Variants in CFAP77 observed in about 807,000 individuals in gnomAD.
The protein encoded by CFAP77 is cilia- and flagella-associated protein 77.
Under a neutral mutation model 31.1 loss-of-function variants are expected in CFAP77, and 25 were observed. The ratio of observed to expected loss-of-function variants is 0.80; its 90% CI spans 0.59 to 1.12. CFAP77 has a LOEUF of 1.12. Ranked by LOEUF, CFAP77 falls within the 50% of genes most tolerant of loss-of-function variation. The pLI is 0.00. For missense variants in CFAP77, 377 were observed against 397.3 expected (o/e 0.95, Z 0.44); for synonymous variants, 151 against 159.9 (o/e 0.94, Z 0.42).
intron 1 of CFAP77, among the ~76,000 whole-genome samples, chr9:132,493,390 A>G (rs1851682023): frequency 6.6e-6 from 1 of 152,218 alleles, no homozygotes; most frequent in African/African-American, 2.4e-5. Flanking sequence ...GCATTTGGAA[A>G]AAAAATAGTC....
chr9:132,438,833 C>T (rs1850560566), intron 1 of CFAP77, among the ~76,000 whole-genome samples: 2 of 151,446 alleles, frequency 1.3e-5, no homozygotes, highest in African/African-American at 4.8e-5. Context: ...CCGCACCTGA[C>T]CGGCCAACAT....
intron 1 of CFAP77, among the ~76,000 whole-genome samples, chr9:132,459,587 G>A (rs1016055139): frequency 2.6e-5 from 4 of 151,470 alleles, no homozygotes; most frequent in African/African-American, 9.7e-5. Context: ...GTATGTGTAT[G>A]TATATATATA....
intron 1 of CFAP77, among the ~76,000 whole-genome samples, chr9:132,483,295 A>AAAC (rs936979753): frequency 8.6e-5 from 13 of 151,920 alleles, no homozygotes; most frequent in Non-Finnish European, 1.3e-4. Flanking sequence ...AAACAAAACA[A>AAAC]AACAACAACA....
rs200015799 is a variant in CFAP77, at chr9:132,499,350, G to A, written c.296-22G>A. 9.9e-5 allele frequency: 159 copies of A among 1,610,728 alleles called. No individual in the cohort carries two copies. In the East Asian group the frequency reaches 1.4e-3, roughly 14 times the overall value. On this transcript the variant is annotated intron_variant, in intron 2 of 5. Transcript: ENST00000393216. The surrounding 1 kb of genome is among the most constrained non-coding windows in gnomAD (Gnocchi z 5.4). ...TTACTCCCAGGCTGACCACTGCCCC[G>A]TGGGTCTCTCCCTGCCCTCAGCCAT... is the stretch of plus-strand genomic sequence containing the variant.
intron 1 of CFAP77, among the ~76,000 whole-genome samples, chr9:132,438,541 A>ATATATATATGTATTTT: frequency 9.2e-6 from 1 of 108,154 alleles, no homozygotes; most frequent in African/African-American, 4.1e-5. Context: ...ATATATATAT[A>ATATATATATGTATTTT]TTTTTTTTTT....
intron 5 of CFAP77, among the ~76,000 whole-genome samples, chr9:132,560,024 G>C (rs977969798): frequency 2.0e-5 from 3 of 152,088 alleles, no homozygotes; most frequent in African/African-American, 7.3e-5. Context: ...AGAGGCTAGG[G>C]AAGAGGAATA....
intron 1 of CFAP77, among the ~76,000 whole-genome samples, chr9:132,489,485 A>T (rs542634219): frequency 3.3e-5 from 5 of 152,278 alleles, no homozygotes; most frequent in African/African-American, 1.2e-4. Context: ...CTTGACAGTG[A>T]AGTTGGCAGA....
At position 132,564,225 on chromosome 9, in the gene CFAP77, G is replaced by A. The variant is rs1047463798; in HGVS notation, c.733-8163G>A. Reference sequence around the variant, plus strand: ...AAAATCATGAATACATAAATACAAGGACAAGGGCCACATCTTAGCCTCAAC... The same window carrying A: ...AAAATCATGAATACATAAATACAAGAACAAGGGCCACATCTTAGCCTCAAC... On this transcript the variant is annotated intron_variant, in intron 5 of 5. Coordinates refer to ENST00000393216, the MANE Select transcript of CFAP77 (RefSeq NM_001282957.2). The surrounding 1 kb of genome is among the most constrained non-coding windows in gnomAD (Gnocchi z 4.6). 2.0e-4 allele frequency among the ~76,000 whole-genome samples: 30 copies of A among 152,096 alleles called. No individual in the cohort carries two copies. Among genetic ancestry groups the A allele is most frequent in the African/African-American group, 7.0e-4 (29 of 41,394 alleles).
At chr9:132,475,032 G>A (rs1190462970) in intron 1 of CFAP77, among the ~76,000 whole-genome samples, 2 of 152,234 alleles carry the variant, frequency 1.3e-5, no homozygotes, top group Admixed American at 6.5e-5. Flanking sequence ...TCCTTCTGAG[G>A]TTGTTTAACA....
At chr9:132,441,425 C>T in intron 1 of CFAP77, among the ~76,000 whole-genome samples, 1 of 152,052 alleles carries the variant, frequency 6.6e-6, no homozygotes. Flanking sequence ...TACAAGATGA[C>T]CTATTTATTA....
intron 3 of CFAP77, among the ~76,000 whole-genome samples, chr9:132,515,828 C>T (rs12115718): frequency 0.012 from 1,769 of 152,160 alleles, 31 homozygotes; most frequent in African/African-American, 0.041. Context: ...CCAGGGCCTC[C>T]GTTTCTCCGT....
intron 3 of CFAP77, among the ~76,000 whole-genome samples, chr9:132,524,474 G>A (rs558988591): frequency 4.3e-4 from 66 of 151,740 alleles, no homozygotes; most frequent in Admixed American, 1.2e-3. Flanking sequence ...TTAGCCAGGC[G>A]TGGCAGCGTG....
intron 1 of CFAP77, among the ~76,000 whole-genome samples, chr9:132,431,561 A>T (rs1850412113): frequency 6.6e-6 from 1 of 152,238 alleles, no homozygotes; most frequent in African/African-American, 2.4e-5. Flanking sequence ...GGAATCTAGA[A>T]GTGAAAATAC....
chr9:132,423,343 G>GCC, intron 1 of CFAP77, among the ~76,000 whole-genome samples: 1 of 152,206 alleles, frequency 6.6e-6, no homozygotes, highest in Admixed American at 6.5e-5. Flanking sequence ...TGAGCCTGGA[G>GCC]TCTGGGTTTC....
Position 132,486,088 on chromosome 9 carries a change from A to ATTTTT in CFAP77, c.196-12606_196-12605insTTTTT, listed in dbSNP as rs1206340891. The stretch of plus-strand genomic sequence containing the variant: ...TGTGTATATATATATATATATATAT[A>ATTTTT]TATTTTTTTTTTTTTTTTTTTTGAG... On this transcript the variant is annotated intron_variant, in intron 1 of 5. Transcript: ENST00000393216. Among the ~76,000 whole-genome samples the ATTTTT allele has an allele frequency of 1.8e-4, 5 of 28,532 alleles. 2 individuals carry two copies. Among genetic ancestry groups the ATTTTT allele is most frequent in the African/African-American group, 1.7e-3 (5 of 2,960 alleles). 18.7% of individuals were successfully genotyped at this position (28,532 alleles called of 152,430 possible).
intron 1 of CFAP77, among the ~76,000 whole-genome samples, chr9:132,467,035 A>T (rs981314557): frequency 3.7e-4 from 57 of 152,100 alleles, no homozygotes; most frequent in African/African-American, 1.2e-3. Context: ...AAAATTAGCC[A>T]GGCGTGGTGG....
chr9:132,542,243 GCCCATCCCCAGCCGCCTACGC>G (rs1852656654), intron 4 of CFAP77, among the ~76,000 whole-genome samples: 1 of 152,196 alleles, frequency 6.6e-6, no homozygotes, highest in African/African-American at 2.4e-5. Flanking sequence ...AGGGCCTCCA[GCCCATCCCCAGCCGCCTACGC>G]CCCATCCCCT....
At chr9:132,430,225 A>G (rs1452467847) in intron 1 of CFAP77, among the ~76,000 whole-genome samples, 1 of 151,758 alleles carries the variant, frequency 6.6e-6, no homozygotes, top group Non-Finnish European at 1.5e-5. Flanking sequence ...CTTATTTTCT[A>G]TACTATTTTG....
intron 1 of CFAP77, among the ~76,000 whole-genome samples, chr9:132,417,822 C>T (rs767601207): frequency 1.3e-5 from 2 of 152,196 alleles, no homozygotes; most frequent in Admixed American, 6.5e-5. Context: ...TTTAAGTCAA[C>T]GTTAAATGTC....
Sources: gnomAD v4.1 joint callset for allele counts (sites outside exome capture counted in the v4.1 genomes callset) on GRCh38, gnomAD v4.1.1 for gene constraint, Gnocchi (gnomAD v3.1) non-coding constraint, MANE v1.5 for transcripts, NCBI Gene and HGNC (gene_info 2026-07-23, HGNC 2026-07-21) for gene names.